The following LRGUK variants were observed in gnomAD, a reference collection of about 807,000 sequenced individuals.
LRGUK encodes leucine rich repeats and guanylate kinase domain containing.
A neutral mutation model predicts 76.0 loss-of-function variants in LRGUK; 65 were observed. The observed-to-expected ratio is 0.85, with a 90% CI of 0.70 to 1.05. LRGUK has a LOEUF of 1.05. LRGUK is among the 50% of genes least tolerant of loss of function. The pLI, the probability that LRGUK is intolerant of heterozygous loss-of-function variation, is 0.00. For missense variants in LRGUK, 758 were observed against 732.8 expected (o/e 1.03, Z -0.40); for synonymous variants, 268 against 265.6 (o/e 1.01, Z -0.09).
intron 1 of LRGUK, among the ~76,000 whole-genome samples, chr7:134,133,443 A>G (rs769865148): frequency 1.3e-5 from 2 of 152,176 alleles, no homozygotes; most frequent in Non-Finnish European, 2.9e-5. Context: ...GTCAGCAGAC[A>G]CTGCCTATCT....
intron 19 of LRGUK, among the ~76,000 whole-genome samples, chr7:134,260,553 T>G (rs1359137277): frequency 6.6e-6 from 1 of 152,216 alleles, no homozygotes; most frequent in Non-Finnish European, 1.5e-5. Flanking sequence ...GCATGCAGGC[T>G]TCACATCTTT....
chr7:134,271,010 A>G, the LRGUK span, among the ~76,000 whole-genome samples: 1 of 152,024 alleles, frequency 6.6e-6, no homozygotes, highest in Non-Finnish European at 1.5e-5. Context: ...AATAAATGTT[A>G]ATGTAATCTC....
chr7:134,191,822 T>A, intron 12 of LRGUK, 71 bp downstream of exon 12: 2 of 1,039,858 alleles, frequency 1.9e-6, no homozygotes, highest in Admixed American at 2.5e-5. Flanking sequence ...TAGGAAATAG[T>A]TATAAATAAA....
At position 134,247,887 on chromosome 7, in the gene LRGUK, CAAG is replaced by C. The variant is rs201468694; in HGVS notation, c.2072+251_2072+253del. ...GAAGATTGCAAAGAATATTTCTTTG[CAAG>C]AAGAAGACGGGTGATTAATCTGGAG... On this transcript the variant is annotated intron_variant, in intron 17 of 19. Transcript: ENST00000285928. 8.7e-3 allele frequency among the ~76,000 whole-genome samples: 1,326 copies of C among 152,230 alleles called. 15 individuals carry two copies. The highest frequency in any genetic ancestry group is 0.025 in the African/African-American group (1,029 of 41,538).
At chr7:134,249,109 C>A in intron 18 of LRGUK, 33 bp downstream of exon 18, 1 of 1,525,624 alleles carries the variant, frequency 6.6e-7, no homozygotes, top group South Asian at 1.3e-5. Flanking sequence ...ATGGAATTGG[C>A]TATTTTCTGC....
At chr7:134,180,907 C>T (rs1287535615) in intron 10 of LRGUK, among the ~76,000 whole-genome samples, 1 of 152,162 alleles carries the variant, frequency 6.6e-6, no homozygotes, top group African/African-American at 2.4e-5. Flanking sequence ...TTCTTCTCTG[C>T]TCCCAGCCTC....
chr7:134,146,539 T>A (rs1243613566), intron 4 of LRGUK, among the ~76,000 whole-genome samples: 1 of 152,220 alleles, frequency 6.6e-6, no homozygotes, highest in African/African-American at 2.4e-5. Context: ...ATAGCTCCCA[T>A]TTGTATATGC....
chr7:134,209,834 A>G (rs1292523149), exon 16 of LRGUK: 3 of 399,196 alleles, frequency 7.5e-6, no homozygotes, highest in Non-Finnish European at 1.3e-5. Context: ...CAGTCCCCCC[A>G]GCCAGGAGCA....
At position 134,168,793 on chromosome 7, in the gene LRGUK, C is replaced by T. The variant is rs553856881; in HGVS notation, c.939+5253C>T. ...TGCCATCCAGCCTCCTTACTGTCATCGAGAACCCCTGGTTCATGGTTCTTT... is the reference window on the plus strand; with the variant it reads ...TGCCATCCAGCCTCCTTACTGTCATTGAGAACCCCTGGTTCATGGTTCTTT... On this transcript the variant is annotated intron_variant, in intron 7 of 15. Coordinates refer to ENST00000645682, the Ensembl canonical transcript of LRGUK. 9.9e-5 allele frequency among the ~76,000 whole-genome samples: 15 copies of T among 152,216 alleles called. No individual in the cohort carries two copies. The East Asian group carries it at 1.5e-3, about 16-fold the overall frequency.
At chr7:134,183,932 C>T (rs2117022878) in intron 11 of LRGUK, 79 bp downstream of exon 11, 4 of 1,514,766 alleles carry the variant, frequency 2.6e-6, no homozygotes, top group East Asian at 4.6e-5. Context: ...AGTAAAATCT[C>T]CGATATTGCT....
chr7:134,216,431 A>C (rs957134778), intron 15 of LRGUK, among the ~76,000 whole-genome samples: 1 of 152,176 alleles, frequency 6.6e-6, no homozygotes, highest in Non-Finnish European at 1.5e-5. Context: ...ATATTACAAA[A>C]ATCAAGAGGT....
At chr7:134,241,884 G>A (rs368499997) in intron 16 of LRGUK, among the ~76,000 whole-genome samples, 1 of 152,086 alleles carries the variant, frequency 6.6e-6, no homozygotes, top group Non-Finnish European at 1.5e-5. Context: ...TCAAACTAGA[G>A]CTCAGGATTA....
At chr7:134,127,954 G>T (rs1278744627) in intron 1 of LRGUK, among the ~76,000 whole-genome samples, 1 of 145,418 alleles carries the variant, frequency 6.9e-6, no homozygotes, top group Non-Finnish European at 1.5e-5. Flanking sequence ...CTAGATAATT[G>T]TCTGGGAATT....
chr7:134,193,580 T>C (rs1800350523), intron 12 of LRGUK, among the ~76,000 whole-genome samples: 3 of 152,230 alleles, frequency 2.0e-5, no homozygotes, highest in African/African-American at 4.8e-5. Flanking sequence ...GAAGTACTTA[T>C]TTTTACTGCT....
At chr7:134,134,078 A>C (rs1316335518) in intron 1 of LRGUK, among the ~76,000 whole-genome samples, 2 of 151,938 alleles carry the variant, frequency 1.3e-5, no homozygotes, top group African/African-American at 4.8e-5. Context: ...AAAGAAAAAG[A>C]AAAAAAGAAA....
At chr7:134,138,624 T>C (rs1448740867) in intron 2 of LRGUK, among the ~76,000 whole-genome samples, 7 of 152,218 alleles carry the variant, frequency 4.6e-5, no homozygotes, top group African/African-American at 1.7e-4. Flanking sequence ...GCGGCCTTCA[T>C]TAAACAATCA....
chr7:134,235,146 C>A (rs1387620714), intron 16 of LRGUK, among the ~76,000 whole-genome samples: 2 of 152,240 alleles, frequency 1.3e-5, no homozygotes, highest in Non-Finnish European at 2.9e-5. Flanking sequence ...TAGGTCAGAT[C>A]ATGAGCCCCC....
At chr7:134,217,054 A>G (rs1249989757) in intron 15 of LRGUK, among the ~76,000 whole-genome samples, 1 of 152,112 alleles carries the variant, frequency 6.6e-6, no homozygotes, top group Non-Finnish European at 1.5e-5. Flanking sequence ...CTATATTAAT[A>G]CAGATCATAT....
chr7:134,145,228 G>C (rs999673370), intron 4 of LRGUK, among the ~76,000 whole-genome samples: 1 of 151,862 alleles, frequency 6.6e-6, no homozygotes, highest in African/African-American at 2.4e-5. Context: ...GTGGCCTCCT[G>C]GTGTATGTTT....
Sources: allele counts gnomAD v4.1 joint callset (sites outside exome capture counted in the v4.1 genomes callset), GRCh38; gene constraint gnomAD v4.1.1; transcripts MANE v1.5; gene names NCBI Gene and HGNC (gene_info 2026-07-23, HGNC 2026-07-21).